GNA12: variants seen among roughly 807,000 people sequenced by gnomAD.
GNA12 encodes the protein G protein subunit alpha 12, also known as guanine nucleotide-binding protein subunit alpha-12.
A neutral mutation model predicts 26.0 loss-of-function variants in GNA12; 9 were observed. The ratio of observed to expected loss-of-function variants is 0.35; its 90% confidence interval spans 0.21 to 0.60. The LOEUF (loss-of-function observed/expected upper bound fraction) is 0.60, where lower values mean the gene tolerates loss of function less well. Among genes scored for constraint, GNA12 ranks in the 20% least tolerant of loss-of-function variants. The pLI, the probability that GNA12 is intolerant of heterozygous loss-of-function variation, is 0.78. For missense variants in GNA12, 405 were observed against 525.8 expected (o/e 0.77, Z 2.25); for synonymous variants, 264 against 219.6 (o/e 1.20, Z -1.79).
At chr7:2,734,375 C>T (rs1034709856) in intron 2 of GNA12, among the ~76,000 whole-genome samples, 6 of 152,236 alleles carry the variant, frequency 3.9e-5, no homozygotes, top group Non-Finnish European at 5.9e-5. Context: ...AAGACAGACA[C>T]CAGCAGGCGG....
chr7:2,749,969 G>T (rs1338607623), intron 2 of GNA12, among the ~76,000 whole-genome samples: 1 of 152,200 alleles, frequency 6.6e-6, no homozygotes, highest in African/African-American at 2.4e-5. Flanking sequence ...AACAAAGAGA[G>T]TGGGGCAGAG....
chr7:2,733,367 T>C (rs945626928), intron 3 of GNA12, 84 bp downstream of exon 3: 4 of 1,112,218 alleles, frequency 3.6e-6, no homozygotes, highest in Non-Finnish European at 5.4e-6. Context: ...CCAGCCAAAG[T>C]CCTCACAACG....
At chr7:2,791,711 A>AC (rs964946114) in intron 2 of GNA12, among the ~76,000 whole-genome samples, 5 of 152,060 alleles carry the variant, frequency 3.3e-5, no homozygotes, top group African/African-American at 1.2e-4. Flanking sequence ...TGGAAGAGAA[A>AC]CAAGGGTCTA....
chr7:2,841,323 T>C (rs146433098), intron 1 of GNA12, among the ~76,000 whole-genome samples: 139 of 152,348 alleles, frequency 9.1e-4, no homozygotes, highest in African/African-American at 3.2e-3. Flanking sequence ...TCAGATTCTA[T>C]GTTTCCAAAT....
chr7:2,799,936 T>C lies in GNA12; in HGVS notation c.310-4793A>G, dbSNP rs575119316. 2.1e-3 allele frequency among the ~76,000 whole-genome samples: 317 copies of C among 152,346 alleles called. 1 individual carries two copies. The highest frequency in any genetic ancestry group is 3.9e-3 in the Non-Finnish European group (268 of 68,030). On this transcript the variant is annotated intron_variant, in intron 1 of 3. Coordinates refer to ENST00000275364, the MANE Select transcript of GNA12 (RefSeq NM_007353.3). ...ACCTCTCATACACTGCTAGTGGGAA[T>C]GTCAAATGGCACAAACTAGAAAACA...
intron 1 of GNA12, 45 bp from the exon 2 acceptor site, chr7:2,795,188 G>C (rs1448686776): frequency 6.9e-7 from 1 of 1,439,332 alleles, no homozygotes; most frequent in African/African-American, 1.4e-5. Flanking sequence ...GCATTCCAAA[G>C]ACTAAACCAC....
rs530312415 is a variant in GNA12 at position 2,737,861 on chromosome 7, C to A, written c.526-4360G>T. On this transcript the variant is annotated intron_variant, in intron 2 of 3. Transcript: ENST00000275364. ...ATTTGATTTCCACTGAATAGAGACG[C>A]TAGCCAAACAACAGAGAATCTTTCA... 7.9e-5 allele frequency among the ~76,000 whole-genome samples: 12 copies of A among 152,278 alleles called. No individual in the cohort carries two copies. The South Asian group carries it at 2.5e-3, about 32-fold the overall frequency.
At chr7:2,753,630 C>T (rs1791143826) in intron 2 of GNA12, among the ~76,000 whole-genome samples, 1 of 152,302 alleles carries the variant, frequency 6.6e-6, no homozygotes, top group Non-Finnish European at 1.5e-5. Flanking sequence ...AGCTATTACA[C>T]ATAAAACTCT....
At position 2,843,918 on chromosome 7, in the gene GNA12, C is replaced by G. The variant is rs776555586; in HGVS notation, c.244G>C (p.Gly82Arg). The stretch of plus-strand genomic sequence containing the variant: ...AGCGCCTTCTGGTCGAACTCGCGGC[C>G]GTGGATGATGCGCATCTGCTTGAGG... ...TFLKQMRIIH[G>R]REFDQKALLE... The change falls in exon 1 of 4, where the codon GGC (glycine) becomes CGC (arginine). Residue 82 changes from glycine (G) to arginine (R), a missense_variant. Transcript: ENST00000275364. 2.5e-6 allele frequency: 4 copies of G among 1,588,118 alleles called. No homozygotes were observed. The South Asian group carries it at 4.6e-5, about 18-fold the overall frequency.
intron 2 of GNA12, among the ~76,000 whole-genome samples, chr7:2,738,327 CA>C (rs960324039): frequency 2.9e-4 from 44 of 151,674 alleles, no homozygotes; most frequent in African/African-American, 8.7e-4. Flanking sequence ...GGCAGAAATA[CA>C]AAGTGACGCA....
At position 2,754,582 on chromosome 7, in the gene GNA12, TAA is replaced by T. The variant is rs34822125; in HGVS notation, c.526-21083_526-21082del. On this transcript the variant is annotated intron_variant, in intron 2 of 3. Transcript: ENST00000275364. Reference sequence around the variant, plus strand: ...ACATAGTGAGACCTCATCTCTACTTTAAAAAAAAAAAAAAAATTAGCCAGGTA... The same window carrying T: ...ACATAGTGAGACCTCATCTCTACTTTAAAAAAAAAAAAAATTAGCCAGGTA... Among the ~76,000 whole-genome samples the T allele has an allele frequency of 2.7e-3, 384 of 143,468 alleles. 1 individual carries two copies. The highest frequency in any genetic ancestry group is 6.1e-3 in the African/African-American group (238 of 38,746). 94.1% of individuals were successfully genotyped at this position (143,468 alleles called of 152,430 possible).
intron 1 of GNA12, among the ~76,000 whole-genome samples, chr7:2,808,728 C>G (rs1481959377): frequency 6.6e-6 from 1 of 152,202 alleles, no homozygotes; most frequent in African/African-American, 2.4e-5. Context: ...TGGATTATGG[C>G]AAGTCTTCTA....
intron 1 of GNA12, among the ~76,000 whole-genome samples, chr7:2,835,145 T>A (rs1387390499): frequency 6.6e-6 from 1 of 152,280 alleles, no homozygotes; most frequent in East Asian, 1.9e-4. Flanking sequence ...AATTTAGTAA[T>A]GAAAACGCTC....
chr7:2,733,892 C>T (rs1790028697), intron 2 of GNA12, among the ~76,000 whole-genome samples: 1 of 152,232 alleles, frequency 6.6e-6, no homozygotes, highest in South Asian at 2.1e-4. Flanking sequence ...TGGGTACAGT[C>T]TTGCTTCTGT....
chr7:2,761,790 C>T (rs1178003331), intron 2 of GNA12, among the ~76,000 whole-genome samples: 1 of 152,200 alleles, frequency 6.6e-6, no homozygotes, highest in East Asian at 1.9e-4. Flanking sequence ...TTCATTAAAA[C>T]GTGAAGAGAT....
At chr7:2,841,120 T>C (rs1778977294) in intron 1 of GNA12, among the ~76,000 whole-genome samples, 1 of 152,210 alleles carries the variant, frequency 6.6e-6, no homozygotes, top group African/African-American at 2.4e-5. Flanking sequence ...GAAGTTAGTG[T>C]TTCTATGCAT....
chr7:2,815,173 G>A (rs1031597337), intron 1 of GNA12: 59 of 529,626 alleles, frequency 1.1e-4, no homozygotes, highest in Non-Finnish European at 1.9e-4. Context: ...CAGGAACATC[G>A]GCGAGGTGCC....
At chr7:2,750,863 G>C (rs190874371) in intron 2 of GNA12, among the ~76,000 whole-genome samples, 1 of 152,152 alleles carries the variant, frequency 6.6e-6, no homozygotes, top group Non-Finnish European at 1.5e-5. Context: ...ATCAGCTTGG[G>C]AACTGAAATA....
Position 2,795,141 on chromosome 7 carries a change from G to C in GNA12, c.312C>G (p.Gly104=), listed in dbSNP as rs1186172767. Residue 104 remains glycine (G), a splice_region_variant and synonymous_variant, in exon 2 of 4, where the codon GGC becomes GGG. Transcript: ENST00000275364. The part of the protein sequence containing the change: ...RDTIFDNILK[G]SRVLVDARDK... ...CTCGTGCATCAACAAGAACCCTTGA[G>C]CCCTAGAAAATAAAAGAAAGAAGAG... The C allele has an allele frequency of 6.2e-7, 1 of 1,609,666 alleles. No individual in the cohort carries two copies. Among genetic ancestry groups the C allele is most frequent in the Admixed American group, 1.7e-5 (1 of 59,920 alleles).
Sources: allele counts gnomAD v4.1 joint callset (sites outside exome capture counted in the v4.1 genomes callset), GRCh38; gene constraint gnomAD v4.1.1; transcripts MANE v1.5; gene names NCBI Gene and HGNC (gene_info 2026-07-23, HGNC 2026-07-21).